Variants in GJA5 observed in about 807,000 individuals in gnomAD.
GJA5 encodes the protein gap junction protein alpha 5.
Under a neutral mutation model 7.9 loss-of-function variants are expected in GJA5, and 3 were observed. That is an observed-to-expected ratio of 0.38 (90% CI 0.17 to 0.99). GJA5 has a LOEUF of 0.99. Ranked by LOEUF, GJA5 falls within the 50% of genes least tolerant of loss-of-function variation. The pLI is 0.38. For synonymous variants in GJA5, 193 were observed against 181.0 expected (o/e 1.07, Z -0.53); for missense variants, 390 against 457.9 (o/e 0.85, Z 1.35).
chr1:147,772,333 G>A (rs1664437565), intron 1 of GJA5, among the ~76,000 whole-genome samples: 1 of 152,184 alleles, frequency 6.6e-6, no homozygotes, highest in Non-Finnish European at 1.5e-5. Flanking sequence ...AAATTCTTGT[G>A]TTGCGCCTCC....
intron 1 of GJA5, among the ~76,000 whole-genome samples, chr1:147,771,368 G>A (rs1414835098): frequency 6.6e-6 from 1 of 152,120 alleles, no homozygotes; most frequent in Non-Finnish European, 1.5e-5. Flanking sequence ...AGAGCCCTCG[G>A]TATGAGTGAG....
At chr1:147,765,118 A>G (rs1450740022), upstream of GJA5, among the ~76,000 whole-genome samples, 1 of 152,218 alleles carries the variant, frequency 6.6e-6, no homozygotes, top group Non-Finnish European at 1.5e-5. Flanking sequence ...TAAAAATAAA[A>G]GCTTACATAC....
At chr1:147,769,085 T>C (rs116208603) in intron 1 of GJA5, among the ~76,000 whole-genome samples, 13,666 of 152,314 alleles carry the variant, frequency 0.09, 807 homozygotes, top group Non-Finnish European at 0.12. Context: ...CCCTTACATA[T>C]GCTGTTCCTA....
At position 147,758,225 on chromosome 1, in the gene GJA5, A is replaced by G. The variant is rs782332416; in HGVS notation, c.1014T>C (p.His338=). The G allele has an allele frequency of 1.4e-5, 23 of 1,613,944 alleles. No homozygotes were observed. The highest frequency in any genetic ancestry group is 3.3e-5 in the Admixed American group (2 of 60,002). The change falls in exon 2 of 2, where the codon CAT becomes CAC. Residue 338 remains histidine (H), a synonymous_variant. Transcript: ENST00000579774. The part of the protein sequence containing the change: ...SPGHRLPHGY[H]SDKRRLSKAS... ...CCTTACTAAGACGTCGCTTGTCACT[A>G]TGATAGCCATGGGGAAGGCGGTGAC...
Position 147,758,922 on chromosome 1 carries a change from C to A in GJA5, c.317G>T (p.Arg106Leu), listed in dbSNP as rs367924086. Reference protein sequence around the residue: ...AMHTVRMQEKRKLREAERAKE... With the variant: ...AMHTVRMQEKLKLREAERAKE... ...GGCCCTCTCGGCCTCCCGTAGCTTGCGCTTCTCCTGCATGCGCACAGTGTG... is the reference window on the plus strand; with the variant it reads ...GGCCCTCTCGGCCTCCCGTAGCTTGAGCTTCTCCTGCATGCGCACAGTGTG... The change falls in exon 2 of 2, where the codon CGC becomes CTC. Residue 106 changes from arginine to leucine, a missense_variant. Arg to Leu is a moderately radical substitution (Grantham distance 102). This residue lies in a region of GJA5 where 354 missense variants were observed against 370.9 expected (regional missense o/e 0.95). Transcript: ENST00000579774. 12 of 1,614,110 alleles carry A rather than the reference C, an allele frequency of 7.4e-6. No individual in the cohort carries two copies. The African/African-American group carries it at 1.5e-4, about 20-fold the overall frequency.
chr1:147,767,875 T>G (rs1664265876), intron 1 of GJA5, among the ~76,000 whole-genome samples: 1 of 152,242 alleles, frequency 6.6e-6, no homozygotes, highest in Non-Finnish European at 1.5e-5. Flanking sequence ...TGGCCACTTT[T>G]ATATAAGATG....
At chr1:147,764,776 A>T (rs1453662833), upstream of GJA5, among the ~76,000 whole-genome samples, 1 of 148,474 alleles carries the variant, frequency 6.7e-6, no homozygotes, top group African/African-American at 2.5e-5. Context: ...ATGAGCTGAG[A>T]TCACGTCAGT....
chr1:147,771,620 G>A lies in GJA5; in HGVS notation c.-34+1632C>T, dbSNP rs77637814. 5.9e-3 allele frequency among the ~76,000 whole-genome samples: 897 copies of A among 152,272 alleles called. 16 individuals are homozygous for A. Among genetic ancestry groups the A allele is most frequent in the East Asian group, 0.043 (222 of 5,168 alleles). ...AGGAGCCCAGCAAGCACACCTCTGGGGTTCCAAGGCAGAGACAAAGCAGGG... is the reference window on the plus strand; with the variant it reads ...AGGAGCCCAGCAAGCACACCTCTGGAGTTCCAAGGCAGAGACAAAGCAGGG... On this transcript the variant is annotated intron_variant, in intron 1 of 1. Transcript: ENST00000430508.
upstream of GJA5, among the ~76,000 whole-genome samples, chr1:147,764,290 T>C (rs1229564622): frequency 1.3e-5 from 2 of 152,176 alleles, no homozygotes; most frequent in African/African-American, 4.8e-5. Context: ...TCCCCTGAAC[T>C]CCAGAAGACT....
At chr1:147,773,152 AG>A (rs1553229260) in intron 1 of GJA5, 2 of 152,252 alleles carry the variant, frequency 1.3e-5, no homozygotes, top group African/African-American at 4.8e-5. Flanking sequence ...GTAGAAAGAA[AG>A]AGCTTTGTTT....
chr1:147,759,565 G>A (rs1553227158), intron 1 of GJA5, among the ~76,000 whole-genome samples: 1 of 152,230 alleles, frequency 6.6e-6, no homozygotes, highest in African/African-American at 2.4e-5. Flanking sequence ...TCTTGCCCCA[G>A]TAATTCTACT....
At chr1:147,767,235 C>T (rs1185084379) in intron 1 of GJA5, among the ~76,000 whole-genome samples, 1 of 151,856 alleles carries the variant, frequency 6.6e-6, no homozygotes, top group Non-Finnish European at 1.5e-5. Context: ...CAGTTACACA[C>T]ACAAAAAAAG....
intron 1 of GJA5, among the ~76,000 whole-genome samples, chr1:147,767,663 G>T (rs781801351): frequency 1.3e-5 from 2 of 151,444 alleles, no homozygotes; most frequent in East Asian, 3.9e-4. Context: ...CTCCCAAAGT[G>T]CTGGGATTAC....
intron 1 of GJA5, among the ~76,000 whole-genome samples, chr1:147,766,373 G>A (rs1161071047): frequency 6.6e-6 from 1 of 152,126 alleles, no homozygotes; most frequent in Non-Finnish European, 1.5e-5. Flanking sequence ...ATTGATCAAG[G>A]CAATTATTTA....
intron 1 of GJA5, among the ~76,000 whole-genome samples, chr1:147,770,080 A>G (rs1664341812): frequency 6.6e-6 from 1 of 152,130 alleles, no homozygotes; most frequent in South Asian, 2.1e-4. Context: ...GGTAAGGGAC[A>G]TCTTGATCCC....
At chr1:147,771,375 T>C (rs1217218241) in intron 1 of GJA5, among the ~76,000 whole-genome samples, 1 of 151,966 alleles carries the variant, frequency 6.6e-6, no homozygotes, top group African/African-American at 2.4e-5. Flanking sequence ...TCGGTATGAG[T>C]GAGCAGGGCA....
In GJA5 at chr1:147,756,531, T is replaced by C. The variant is rs587598301; in HGVS notation, c.*1631A>G. The C allele has an allele frequency of 6.6e-6, 1 of 152,302 alleles. No homozygotes were observed. Among genetic ancestry groups the C allele is most frequent in the South Asian group, 2.1e-4 (1 of 4,816 alleles). 9.4% of individuals were successfully genotyped at this position (152,302 alleles called of 1,614,324 possible). On this transcript the variant is annotated 3_prime_UTR_variant, in exon 2 of 2. Coordinates refer to ENST00000579774, the MANE Select transcript of GJA5 (RefSeq NM_181703.4). ...CAGAGATGGGCAGGTGAGTCAGAGG[T>C]TGAACCTCCTTCTGAGCCTTTACCC...
intron 1 of GJA5, among the ~76,000 whole-genome samples, chr1:147,772,280 C>T (rs746011797): frequency 2.0e-5 from 3 of 152,064 alleles, no homozygotes; most frequent in Non-Finnish European, 4.4e-5. Flanking sequence ...TGGAATACTG[C>T]GAGGGAGAAT....
upstream of GJA5, among the ~76,000 whole-genome samples, chr1:147,764,268 C>A (rs1210267388): frequency 1.3e-5 from 2 of 152,200 alleles, no homozygotes; most frequent in African/African-American, 4.8e-5. Flanking sequence ...TTGACCTCAG[C>A]CCTCTTTGGT....
Sources: allele counts gnomAD v4.1 joint callset (sites outside exome capture counted in the v4.1 genomes callset), GRCh38; gene constraint gnomAD v4.1.1; regional missense constraint gnomAD v4.1.1; transcripts MANE v1.5; gene names NCBI Gene and HGNC (gene_info 2026-07-23, HGNC 2026-07-21).